Variants in PREX1 observed in about 807,000 individuals in gnomAD.
PREX1 encodes phosphatidylinositol 3,4,5-trisphosphate-dependent Rac exchanger 1 protein.
A neutral mutation model predicts 198.3 loss-of-function variants in PREX1; 41 were observed. The ratio of observed to expected loss-of-function variants is 0.21; its 90% CI spans 0.16 to 0.27. The LOEUF (loss-of-function observed/expected upper bound fraction) is 0.27. PREX1 is among the 10% of genes least tolerant of loss of function. The pLI is 1.00. For missense variants in PREX1, 1,620 were observed against 2,200.7 expected (o/e 0.74, Z 5.28); for synonymous variants, 843 against 887.2 (o/e 0.95, Z 0.89).
rs528825838 is a variant in PREX1, at chr20:48,786,670, G to A, written c.220-38790C>T. Among the ~76,000 whole-genome samples, 10 of 151,806 alleles carry A rather than the reference G, an allele frequency of 6.6e-5. No individual in the cohort carries two copies. The South Asian group carries it at 1.7e-3, about 25-fold the overall frequency. On this transcript the variant is annotated intron_variant, in intron 1 of 39. Transcript: ENST00000371941. ...GAGGTGGGAAAAATCGCTTGAACCC[G>A]GGAGGCAGAGGTTGCAGTGAGCCAA...
chr20:48,719,161 T>C (rs1260860539), intron 5 of PREX1, among the ~76,000 whole-genome samples: 1 of 152,198 alleles, frequency 6.6e-6, no homozygotes, highest in Non-Finnish European at 1.5e-5. Context: ...GAAGTGGAGT[T>C]GGACTTCCGA....
intron 4 of PREX1, among the ~76,000 whole-genome samples, chr20:48,732,040 C>T (rs1257260615): frequency 6.6e-6 from 1 of 152,210 alleles, no homozygotes; most frequent in East Asian, 1.9e-4. Flanking sequence ...GCCTGCAAGC[C>T]AACAGGTCAA....
intron 39 of PREX1, among the ~76,000 whole-genome samples, chr20:48,627,256 G>C (rs56844403): frequency 1.3e-5 from 2 of 151,774 alleles, no homozygotes; most frequent in Non-Finnish European, 2.9e-5. Context: ...GGCACGGGGC[G>C]GGGGCTCAGG....
At chr20:48,746,941 AACACACACACAC>A (rs57506374) in intron 2 of PREX1, among the ~76,000 whole-genome samples, 2,959 of 117,628 alleles carry the variant, frequency 0.025, 93 homozygotes, top group Middle Eastern at 0.038. Flanking sequence ...CCAGTGCATG[AACACACACACAC>A]ACACACACAC....
intron 1 of PREX1, among the ~76,000 whole-genome samples, chr20:48,781,019 A>G (rs1354398543): frequency 6.6e-6 from 1 of 152,186 alleles, no homozygotes; most frequent in Non-Finnish European, 1.5e-5. Context: ...TCAAGTCCAA[A>G]GTGGCAGACA....
chr20:48,690,921 G>A, intron 9 of PREX1, 26 bp downstream of exon 9: 1 of 1,612,744 alleles, frequency 6.2e-7, no homozygotes, highest in Non-Finnish European at 8.5e-7. Context: ...GGGATCCCAG[G>A]CGAGCACCCC....
At chr20:48,725,567 C>G (rs183291083) in intron 5 of PREX1, among the ~76,000 whole-genome samples, 1 of 152,368 alleles carries the variant, frequency 6.6e-6, no homozygotes, top group East Asian at 1.9e-4. Context: ...TGCCTGCCCT[C>G]ACCCTGCCTT....
At chr20:48,858,918 T>C in the PREX1 span, among the ~76,000 whole-genome samples, 19 of 152,056 alleles carry the variant, frequency 1.2e-4, no homozygotes, top group Non-Finnish European at 2.4e-4. Flanking sequence ...TATTTAGAGA[T>C]AGGGTCTAGC....
At chr20:48,766,990 G>A (rs1362423724) in intron 1 of PREX1, among the ~76,000 whole-genome samples, 5 of 152,180 alleles carry the variant, frequency 3.3e-5, no homozygotes, top group Non-Finnish European at 7.3e-5. Context: ...TCCTCTCTGG[G>A]CCTCAGTTTC....
intron 1 of PREX1, among the ~76,000 whole-genome samples, chr20:48,814,795 C>T (rs570156538): frequency 1.3e-5 from 2 of 152,202 alleles, no homozygotes; most frequent in Non-Finnish European, 2.9e-5. Context: ...GGAGCTAAAC[C>T]GAACCCTGTC....
the PREX1 span, among the ~76,000 whole-genome samples, chr20:48,862,807 A>ATATGTG: frequency 5.5e-5 from 7 of 126,712 alleles, no homozygotes; most frequent in African/African-American, 1.9e-4. Context: ...ATATATATAT[A>ATATGTG]TATATACTAA....
chr20:48,629,420 A>C, intron 37 of PREX1, 29 bp downstream of exon 37: 1 of 1,604,842 alleles, frequency 6.2e-7, no homozygotes, highest in Non-Finnish European at 8.5e-7. Context: ...GCCCCTCCCC[A>C]CACCCCGACT....
At chr20:48,725,142 ATGCCCTGG>A (rs2090004005) in intron 5 of PREX1, among the ~76,000 whole-genome samples, 1 of 152,178 alleles carries the variant, frequency 6.6e-6, no homozygotes, top group South Asian at 2.1e-4. Context: ...AAGATGAAGA[ATGCCCTGG>A]TACCCTTCCC....
chr20:48,809,301 A>C (rs940277299), intron 1 of PREX1, among the ~76,000 whole-genome samples: 2 of 152,198 alleles, frequency 1.3e-5, no homozygotes, highest in African/African-American at 4.8e-5. Flanking sequence ...GACTTGGGGG[A>C]AGGCAAAGCC....
chr20:48,700,599 G>A (rs2089868719), intron 7 of PREX1, among the ~76,000 whole-genome samples, 154 bp downstream of exon 7: 1 of 151,746 alleles, frequency 6.6e-6, no homozygotes, highest in African/African-American at 2.4e-5. Flanking sequence ...AACATAACAC[G>A]TGGCTTGCAT....
At chr20:48,851,440 G>T in the PREX1 span, among the ~76,000 whole-genome samples, 1 of 152,280 alleles carries the variant, frequency 6.6e-6, no homozygotes, top group African/African-American at 2.4e-5. Context: ...CCAGGAGGTG[G>T]AGGTTGCAGT....
intron 1 of PREX1, among the ~76,000 whole-genome samples, chr20:48,789,973 G>A (rs1446662875): frequency 3.9e-5 from 6 of 152,290 alleles, no homozygotes; most frequent in South Asian, 2.1e-4. Context: ...GGCCTGGCAC[G>A]TAGTAGGTGC....
intron 1 of PREX1, among the ~76,000 whole-genome samples, chr20:48,791,142 G>T (rs1211567715): frequency 6.9e-6 from 1 of 145,560 alleles, no homozygotes; most frequent in Non-Finnish European, 1.5e-5. Flanking sequence ...GAACTGTGCA[G>T]ATTCATGCAC....
At chr20:48,806,648 C>A (rs1423982374) in intron 1 of PREX1, among the ~76,000 whole-genome samples, 5 of 152,214 alleles carry the variant, frequency 3.3e-5, no homozygotes, top group Non-Finnish European at 5.9e-5. Context: ...CCAGGTCACA[C>A]TCCCAGTAAG....
Sources: allele counts gnomAD v4.1 joint callset (sites outside exome capture counted in the v4.1 genomes callset), GRCh38; gene constraint gnomAD v4.1.1; transcripts MANE v1.5; gene names NCBI Gene and HGNC (gene_info 2026-07-23, HGNC 2026-07-21).